Variants in VCAN observed in about 807,000 individuals in gnomAD.
VCAN encodes the protein versican core protein.
VCAN carries 44 observed loss-of-function variants against 245.5 expected under a neutral mutation model. The observed-to-expected ratio is 0.18, with a 90% CI of 0.14 to 0.23. The LOEUF (loss-of-function observed/expected upper bound fraction) is 0.23. Ranked by LOEUF, VCAN falls within the 10% of genes least tolerant of loss-of-function variation. The pLI is 1.00. For missense variants in VCAN, 3,793 were observed against 4,057.9 expected, an observed-to-expected ratio of 0.93 and a Z score of 1.77; for synonymous variants, 1,413 against 1,437.0, an observed-to-expected ratio of 0.98 and a Z score of 0.38.
At chr5:83,567,120 C>A (rs1017079202) in intron 12 of VCAN, among the ~76,000 whole-genome samples, 1 of 151,966 alleles carries the variant, frequency 6.6e-6, no homozygotes, top group African/African-American at 2.4e-5. Flanking sequence ...CCCTTTTTGG[C>A]ATGTTATTAC....
At chr5:83,490,515 C>A in intron 3 of VCAN, 43 bp downstream of exon 3, 1 of 1,610,122 alleles carries the variant, frequency 6.2e-7, no homozygotes, top group Non-Finnish European at 8.5e-7. Flanking sequence ...TAACATGACA[C>A]CTGGTTCAGA....
intron 6 of VCAN, among the ~76,000 whole-genome samples, chr5:83,513,767 A>C (rs1157692247): frequency 6.6e-6 from 1 of 152,238 alleles, no homozygotes; most frequent in Non-Finnish European, 1.5e-5. Flanking sequence ...TGTCACAACA[A>C]TGATTTTTCA....
At chr5:83,578,832 G>A (rs1748566220) in intron 13 of VCAN, among the ~76,000 whole-genome samples, 1 of 151,828 alleles carries the variant, frequency 6.6e-6, no homozygotes, top group Non-Finnish European at 1.5e-5. Flanking sequence ...AAGATATATA[G>A]GTAAATATAA....
At chr5:83,546,599 A>AAG (rs1561262573) in intron 9 of VCAN, among the ~76,000 whole-genome samples, 1 of 151,368 alleles carries the variant, frequency 6.6e-6, no homozygotes, top group African/African-American at 2.4e-5. Context: ...CTGCAAAAAA[A>AAG]AAAAAAAATT....
At chr5:83,526,089 G>GC (rs56951661) in intron 7 of VCAN, among the ~76,000 whole-genome samples, 22,484 of 151,932 alleles carry the variant, frequency 0.15, 1,915 homozygotes, top group Middle Eastern at 0.19. Flanking sequence ...ACAGGCGCCT[G>GC]CCACCATGCC....
At chr5:83,552,811 G>A (rs309592) in intron 10 of VCAN, among the ~76,000 whole-genome samples, 122,408 of 152,010 alleles carry the variant, frequency 0.81, 49,718 homozygotes, top group African/African-American at 0.88. Flanking sequence ...AGTTCTAGCT[G>A]TATCCCAAAA....
rs372922668 is a variant in VCAN, at chr5:83,566,161, A to G, written c.9736-6255A>G. Among the ~76,000 whole-genome samples, 111 of 151,924 alleles carry G rather than the reference A, an allele frequency of 7.3e-4. 1 individual carries two copies. The highest frequency in any genetic ancestry group is 2.5e-3 in the African/African-American group (104 of 41,446). ...TTAGTAGAGACAGGATTTCATCACC[A>G]TGTTGGCCAGGCTGGTCTTGAACTC... is the stretch of plus-strand genomic sequence containing the variant. On this transcript the variant is annotated intron_variant, in intron 12 of 14. Coordinates refer to ENST00000265077, the MANE Select transcript of VCAN (RefSeq NM_004385.5).
chr5:83,480,089 T>TA (rs1744561203), intron 1 of VCAN, among the ~76,000 whole-genome samples: 1 of 152,210 alleles, frequency 6.6e-6, no homozygotes, highest in Non-Finnish European at 1.5e-5. Context: ...TTAGAGATCT[T>TA]ATATTTAGTG....
chr5:83,490,859 CA>C (rs1354944595), intron 3 of VCAN, among the ~76,000 whole-genome samples: 2 of 152,114 alleles, frequency 1.3e-5, no homozygotes, highest in African/African-American at 4.8e-5. Flanking sequence ...CATACATATA[CA>C]CACATATATA....
Position 83,520,186 on chromosome 5 carries a change from C to G in VCAN, c.1880C>G (p.Thr627Ser). The G allele has an allele frequency of 6.2e-7, 1 of 1,614,032 alleles. No individual in the cohort carries two copies. Among genetic ancestry groups the G allele is most frequent in the East Asian group, 2.2e-5 (1 of 44,874 alleles). ...SSMDDWEERQTSGRITEEFLG... is the reference protein window; with the variant it reads ...SSMDDWEERQSSGRITEEFLG... Reference sequence around the variant, plus strand: ...ATGGATGACTGGGAAGAGAGACAAACTAGTGGTAGGATAACGGAAGAGTTT... The same window carrying G: ...ATGGATGACTGGGAAGAGAGACAAAGTAGTGGTAGGATAACGGAAGAGTTT... The change falls in exon 7 of 15, where the codon ACT becomes AGT. Residue 627 changes from threonine (T) to serine (S), a missense_variant. Physicochemically the swap from Thr to Ser is moderately conservative, Grantham distance 58. Transcript: ENST00000265077.
Position 83,561,240 on chromosome 5 carries a change from C to T in VCAN, c.9735+6202C>T, listed in dbSNP as rs1317043264. On this transcript the variant is annotated intron_variant, in intron 12 of 14. Coordinates refer to ENST00000265077, the MANE Select transcript of VCAN (RefSeq NM_004385.5). ...CTACAGTTGGGAGAAAACAGAGAGA[C>T]TTTCTCTCTTCTACATTTGTCCAAA... is the stretch of plus-strand genomic sequence containing the variant. Among the ~76,000 whole-genome samples, 8 of 152,156 alleles carry T rather than the reference C, an allele frequency of 5.3e-5. No homozygotes were observed. The South Asian group carries it at 1.0e-3, about 20-fold the overall frequency.
rs745762534 is a variant in VCAN at position 83,519,569 on chromosome 5, C to G, written c.1263C>G (p.Thr421=). 6.2e-7 allele frequency: 1 copy of G among 1,614,100 alleles called. No individual in the cohort carries two copies. The highest frequency in any genetic ancestry group is 8.5e-7 in the Non-Finnish European group (1 of 1,179,992). The change falls in exon 7 of 15, where the codon ACC becomes ACG. Residue 421 remains threonine (T), a synonymous_variant. Transcript: ENST00000265077. ...QPQAITDSLA[T]KLPTPTGSTK... ...AGGCTATCACAGATAGTTTAGCCAC[C>G]AAATTACCCACACCTACTGGCAGTA...
At chr5:83,531,409 T>C (rs1746514023) in intron 7 of VCAN, 1 of 152,160 alleles carries the variant, frequency 6.6e-6, no homozygotes, top group Non-Finnish European at 1.5e-5. Flanking sequence ...CTGGAGGTTT[T>C]GTTTTTTCTA....
Position 83,520,380 on chromosome 5 carries a change from C to G in VCAN, c.2074C>G (p.Pro692Ala). 1 of 1,612,410 alleles carries G rather than the reference C, an allele frequency of 6.2e-7. No individual in the cohort carries two copies. Among genetic ancestry groups the G allele is most frequent in the Non-Finnish European group, 8.5e-7 (1 of 1,179,438 alleles). The change falls in exon 7 of 15, where the codon CCA (proline) becomes GCA (alanine). Residue 692 changes from proline to alanine, a missense_variant. Pro to Ala is a conservative substitution (Grantham distance 27, BLOSUM62 -1). This residue lies in a region of VCAN where 3,182 missense variants were observed against 3,250.3 expected (regional missense o/e 0.98). Transcript: ENST00000265077. ...HRRERTETLI[P>A]EMRTDTYTDE... ...AAGAGAAAGAACAGAAACACTAATA[C>G]CAGAGATGAGAACAGATACTTATAC...
rs2112407260 is a variant in VCAN, at chr5:83,519,759, G to C, written c.1453G>C (p.Glu485Gln). Reference sequence around the variant, plus strand: ...TGTCGTGGAAGATAAACAAACACAAGAATCGGTTACACAGATTGAACAAAT... The same window carrying C: ...TGTCGTGGAAGATAAACAAACACAACAATCGGTTACACAGATTGAACAAAT... ...DGVVEDKQTQ[E>Q]SVTQIEQIEV... Residue 485 changes from glutamate to glutamine, a missense_variant, in exon 7 of 15, where the codon GAA becomes CAA. Physicochemically the swap from Glu to Gln is conservative, Grantham distance 29. Around this residue, in one of 5 missense-constraint regions of VCAN, gnomAD observed 3,182 missense variants for 3,250.3 expected, o/e 0.98. Coordinates refer to ENST00000265077, the MANE Select transcript of VCAN (RefSeq NM_004385.5). 6.2e-7 allele frequency: 1 copy of C among 1,614,128 alleles called. No individual in the cohort carries two copies. The highest frequency in any genetic ancestry group is 8.5e-7 in the Non-Finnish European group (1 of 1,179,976).
chr5:83,479,878 A>G (rs1032301330), intron 1 of VCAN, among the ~76,000 whole-genome samples: 5 of 152,214 alleles, frequency 3.3e-5, no homozygotes, highest in Admixed American at 6.5e-5. Flanking sequence ...ATAAATGATC[A>G]TCTTTTAATT....
At position 83,539,808 on chromosome 5, in the gene VCAN, G is replaced by A. The variant is rs1257114098; in HGVS notation, c.6805G>A (p.Glu2269Lys). The A allele has an allele frequency of 1.9e-6, 3 of 1,614,004 alleles. No individual in the cohort carries two copies. In the Admixed American group the frequency reaches 5.0e-5, roughly 27 times the overall value. ...GEEVLPTLPTESVNFTEVEQI... is the reference protein window; with the variant it reads ...GEEVLPTLPTKSVNFTEVEQI... The stretch of plus-strand genomic sequence containing the variant: ...AGAAGTTTTACCTACTCTACCAACA[G>A]AGTCAGTGAATTTTACTGAAGTGGA... The change falls in exon 8 of 15, where the codon GAG becomes AAG. Residue 2269 changes from glutamate (E) to lysine (K), a missense_variant. Coordinates refer to ENST00000265077, the MANE Select transcript of VCAN (RefSeq NM_004385.5).
Position 83,538,489 on chromosome 5 carries a change from C to T in VCAN, c.5486C>T (p.Ala1829Val). The T allele has an allele frequency of 6.2e-7, 1 of 1,614,030 alleles. No individual in the cohort carries two copies. The highest frequency in any genetic ancestry group is 1.1e-5 in the South Asian group (1 of 91,078). The change falls in exon 8 of 15, where the codon GCC becomes GTC. Residue 1829 changes from alanine to valine, a missense_variant. This residue lies in a region of VCAN where 3,182 missense variants were observed against 3,250.3 expected (regional missense o/e 0.98). Coordinates refer to ENST00000265077, the MANE Select transcript of VCAN (RefSeq NM_004385.5). ...EGLTTLPRSP[A>V]SVFMEQGSGE... Reference sequence around the variant, plus strand: ...CTGACCACTCTCCCACGTAGTCCTGCCTCTGTCTTTATGGAGCAGGGCTCT... The same window carrying T: ...CTGACCACTCTCCCACGTAGTCCTGTCTCTGTCTTTATGGAGCAGGGCTCT...
At chr5:83,546,700 G>C (rs1747240527) in intron 9 of VCAN, among the ~76,000 whole-genome samples, 1 of 152,200 alleles carries the variant, frequency 6.6e-6, no homozygotes, top group African/African-American at 2.4e-5. Flanking sequence ...CTGTGTTCAC[G>C]CTACTGCACT....
Sources: allele counts gnomAD v4.1 joint callset (sites outside exome capture counted in the v4.1 genomes callset), GRCh38; gene constraint gnomAD v4.1.1; regional missense constraint gnomAD v4.1.1; transcripts MANE v1.5; gene names NCBI Gene and HGNC (gene_info 2026-07-23, HGNC 2026-07-21).